TMC1: variants seen among roughly 807,000 people sequenced by gnomAD.
TMC1 encodes transmembrane channel-like protein 1.
A neutral mutation model predicts 105.8 loss-of-function variants in TMC1; 84 were observed. The observed-to-expected ratio is 0.79, with a 90% CI of 0.67 to 0.95. The LOEUF (loss-of-function observed/expected upper bound fraction) is 0.95, where lower values mean the gene tolerates loss of function less well. Among genes scored for constraint, TMC1 ranks in the 40% least tolerant of loss-of-function variants. The pLI, the probability that TMC1 is intolerant of heterozygous loss-of-function variation, is 0.00. For missense variants in TMC1, 817 were observed against 914.1 expected, an observed-to-expected ratio of 0.89 and a Z score of 1.37; for synonymous variants, 315 against 311.5, an observed-to-expected ratio of 1.01 and a Z score of -0.12.
intron 23 of TMC1, among the ~76,000 whole-genome samples, chr9:72,831,621 T>C (rs1394321138): frequency 6.6e-6 from 1 of 152,146 alleles, no homozygotes; most frequent in African/African-American, 2.4e-5. Context: ...CGGTATGTGA[T>C]GTTCCCCTTC....
intron 8 of TMC1, among the ~76,000 whole-genome samples, chr9:72,712,136 T>G (rs575452158): frequency 6.6e-6 from 1 of 152,348 alleles, no homozygotes; most frequent in African/African-American, 2.4e-5. Context: ...ATATATCTGT[T>G]TTGGTACCAG....
rs183184312 is a variant in TMC1, at chr9:72,660,925, C to T, written c.16+12261C>T. 2.9e-3 allele frequency among the ~76,000 whole-genome samples: 434 copies of T among 152,072 alleles called. 1 individual carries two copies. Among genetic ancestry groups the T allele is most frequent in the African/African-American group, 0.01 (419 of 41,506 alleles). ...AGAACGTATGGGAGGCTGAGGCGGG[C>T]GGATCACGAGGTCAGGAGATCGAGA... is the stretch of plus-strand genomic sequence containing the variant. On this transcript the variant is annotated intron_variant, in intron 5 of 23. Transcript: ENST00000297784.
At chr9:72,655,707 A>C (rs897080491) in intron 5 of TMC1, 2 of 423,092 alleles carry the variant, frequency 4.7e-6, no homozygotes, top group African/African-American at 4.1e-5. Context: ...GCGCCACTGC[A>C]CTCCAGCCCG....
At chr9:72,541,192 C>A (rs1823669817) in intron 1 of TMC1, among the ~76,000 whole-genome samples, 1 of 152,156 alleles carries the variant, frequency 6.6e-6, no homozygotes, top group Non-Finnish European at 1.5e-5. Context: ...ACAGTGCTAG[C>A]CACCTATTTT....
intron 3 of TMC1, among the ~76,000 whole-genome samples, chr9:72,624,255 CA>C (rs1241217000): frequency 2.0e-5 from 3 of 152,110 alleles, no homozygotes; most frequent in African/African-American, 2.4e-5. Flanking sequence ...CTTTCCTGCA[CA>C]AGAACTGGGG....
chr9:72,724,665 T>C (rs1827085864), intron 8 of TMC1, among the ~76,000 whole-genome samples: 2 of 152,192 alleles, frequency 1.3e-5, no homozygotes, highest in Admixed American at 1.3e-4. Flanking sequence ...TCTTCTTAGT[T>C]ACATTTCATT....
chr9:72,793,452 A>G (rs1828310201), intron 17 of TMC1, among the ~76,000 whole-genome samples: 1 of 152,206 alleles, frequency 6.6e-6, no homozygotes, highest in African/African-American at 2.4e-5. Context: ...AGAGAGTCCA[A>G]GCCAACCAGC....
chr9:72,680,543 A>C (rs1316839453), intron 5 of TMC1, among the ~76,000 whole-genome samples: 1 of 152,132 alleles, frequency 6.6e-6, no homozygotes, highest in African/African-American at 2.4e-5. Context: ...AAATGAAGTA[A>C]ATTATTTCAC....
At chr9:72,692,404 T>C (rs1050309779) in intron 6 of TMC1, among the ~76,000 whole-genome samples, 2 of 152,138 alleles carry the variant, frequency 1.3e-5, no homozygotes, top group Non-Finnish European at 2.9e-5. Flanking sequence ...TGATTTTGTG[T>C]TCATCTAGGG....
intron 17 of TMC1, among the ~76,000 whole-genome samples, chr9:72,802,115 G>C (rs999238523): frequency 6.6e-6 from 1 of 152,078 alleles, no homozygotes; most frequent in Non-Finnish European, 1.5e-5. Context: ...TGGAAAGGGT[G>C]GGCATGGAGG....
chr9:72,746,758 A>G (rs559031943), intron 10 of TMC1, among the ~76,000 whole-genome samples: 15 of 152,294 alleles, frequency 9.8e-5, no homozygotes, highest in Middle Eastern at 3.4e-3. Flanking sequence ...GATGACTCCC[A>G]ACTCTGTTTC....
chr9:72,649,244 GATA>G (rs1293644243), intron 5 of TMC1, among the ~76,000 whole-genome samples: 1 of 152,178 alleles, frequency 6.6e-6, no homozygotes, highest in Non-Finnish European at 1.5e-5. Context: ...GTACTGTGTG[GATA>G]ATGTGTGGCA....
intron 8 of TMC1, among the ~76,000 whole-genome samples, chr9:72,726,456 G>A (rs1181470731): frequency 6.6e-6 from 1 of 152,146 alleles, no homozygotes; most frequent in Non-Finnish European, 1.5e-5. Flanking sequence ...GCTATGGGAG[G>A]ACACTGTAAA....
intron 8 of TMC1, among the ~76,000 whole-genome samples, chr9:72,726,232 T>C (rs1827122394): frequency 6.6e-6 from 1 of 152,234 alleles, no homozygotes; most frequent in Non-Finnish European, 1.5e-5. Context: ...AATAGTTGTA[T>C]TTATGATGCT....
At chr9:72,614,106 C>A (rs1825081872) in intron 2 of TMC1, among the ~76,000 whole-genome samples, 1 of 152,212 alleles carries the variant, frequency 6.6e-6, no homozygotes, top group African/African-American at 2.4e-5. Context: ...TATTCTTGAA[C>A]TGAACTGATA....
rs1210057697 is a variant in TMC1, at chr9:72,752,322, A to G, written c.642+366A>G. On this transcript the variant is annotated intron_variant, in intron 11 of 23. Transcript: ENST00000297784. ...GACACCTTGTGAGTTGTATTTCTTT[A>G]TTTTGCCAAGTTAGCTTTGAAAGAA... 2.0e-5 allele frequency among the ~76,000 whole-genome samples: 3 copies of G among 152,170 alleles called. No homozygotes were observed. In the East Asian group the frequency reaches 5.8e-4, roughly 29 times the overall value.
At chr9:72,716,532 T>TTG (rs1826922801) in intron 8 of TMC1, among the ~76,000 whole-genome samples, 1 of 152,114 alleles carries the variant, frequency 6.6e-6, no homozygotes, top group Non-Finnish European at 1.5e-5. Context: ...TTCGTCCAGT[T>TTG]TGAACTTCCT....
intron 23 of TMC1, among the ~76,000 whole-genome samples, chr9:72,831,522 T>C (rs1303747489): frequency 6.6e-6 from 1 of 152,124 alleles, no homozygotes; most frequent in African/African-American, 2.4e-5. Flanking sequence ...TGTGCCATGT[T>C]GGTGTGCTGC....
chr9:72,727,126 T>G (rs1168380473), intron 8 of TMC1, among the ~76,000 whole-genome samples: 1 of 152,246 alleles, frequency 6.6e-6, no homozygotes, highest in African/African-American at 2.4e-5. Context: ...GATAAATTCC[T>G]GCAAACCAAT....
Sources: allele counts gnomAD v4.1 joint callset (sites outside exome capture counted in the v4.1 genomes callset), GRCh38; gene constraint gnomAD v4.1.1; transcripts MANE v1.5; gene names NCBI Gene and HGNC (gene_info 2026-07-23, HGNC 2026-07-21).